FBLN1: variants seen among roughly 807,000 people sequenced by gnomAD.
The protein encoded by FBLN1 is fibulin-1.
A neutral mutation model predicts 89.7 loss-of-function variants in FBLN1; 34 were observed. That is an observed-to-expected ratio of 0.38 (90% CI 0.29 to 0.50). The LOEUF is 0.50. Ranked by LOEUF, FBLN1 falls within the 20% of genes least tolerant of loss-of-function variation. The pLI is 0.92. For synonymous variants in FBLN1, 393 were observed against 391.3 expected, an observed-to-expected ratio of 1.00 and a Z score of -0.05; for missense variants, 777 against 988.1, an observed-to-expected ratio of 0.79 and a Z score of 2.86.
intron 16 of FBLN1, among the ~76,000 whole-genome samples, chr22:45,592,109 C>T (rs1342643566): frequency 3.3e-5 from 5 of 152,158 alleles, no homozygotes; most frequent in Non-Finnish European, 5.9e-5. Flanking sequence ...CCTGTTAGCT[C>T]CGTGATCTGG....
rs1201723692 is a variant in FBLN1 at position 45,583,362 on chromosome 22, G to A, written c.1972+6254G>A. 1.3e-5 allele frequency among the ~76,000 whole-genome samples: 2 copies of A among 152,120 alleles called. No individual in the cohort carries two copies. Among genetic ancestry groups the A allele is most frequent in the Non-Finnish European group, 2.9e-5 (2 of 68,022 alleles). ...AGCGATGAAGTCCACATGATCGAAG[G>A]GTGGATGCTTACCTTAGACAGCTGC... On this transcript the variant is annotated intron_variant, in intron 16 of 16. Coordinates refer to ENST00000327858, the MANE Select transcript of FBLN1 (RefSeq NM_006486.3). The surrounding 1 kb of genome is among the most constrained non-coding windows in gnomAD (Gnocchi z 4.5).
intron 10 of FBLN1, among the ~76,000 whole-genome samples, chr22:45,542,941 G>A (rs958192411): frequency 6.6e-6 from 1 of 152,232 alleles, no homozygotes; most frequent in Non-Finnish European, 1.5e-5. Context: ...CCGCATGCTC[G>A]GGACAAGTCA....
Position 45,527,893 on chromosome 22 carries a change from G to A in FBLN1, c.368G>A (p.Gly123Asp), listed in dbSNP as rs879617334. The A allele has an allele frequency of 1.2e-6, 2 of 1,614,166 alleles. No individual in the cohort carries two copies. The highest frequency in any genetic ancestry group is 1.7e-5 in the Admixed American group (1 of 60,028). The change falls in exon 4 of 17, where the codon GGC (glycine) becomes GAC (aspartate). Residue 123 changes from glycine (G) to aspartate (D), a missense_variant. Gly to Asp is a moderately conservative substitution (Grantham distance 94, BLOSUM62 -1). Transcript: ENST00000327858. ...CLLGRAAQAQ[G>D]QSCEYSLMVG... ...CTGGGGAGGGCGGCCCAGGCCCAGG[G>A]CCAGAGCTGCGAGTACAGCCTCATG...
rs1212661558 is a variant in FBLN1 at position 45,597,940 on chromosome 22, T to A, written c.1973-2367T>A. Among the ~76,000 whole-genome samples, 1 of 152,132 alleles carries A rather than the reference T, an allele frequency of 6.6e-6. No homozygotes were observed. The highest frequency in any genetic ancestry group is 1.5e-5 in the Non-Finnish European group (1 of 68,014). On this transcript the variant is annotated intron_variant, in intron 16 of 16. Transcript: ENST00000327858. The surrounding 1 kb of genome is among the most constrained non-coding windows in gnomAD (Gnocchi z 4.2). ...TCTCTTTCTGAGCGTGAACTTGATG[T>A]TCCTGACCAGGAACCAGCCACTCGT... is the stretch of plus-strand genomic sequence containing the variant.
rs1463822622 is a variant in FBLN1 at position 45,590,988 on chromosome 22, TC to T, written c.1973-9318del. ...TAGGTGGGTGGAGGCTGAGGTCGGC[TC>T]AGGAGACACACGGAGGGAGGGGACA... On this transcript the variant is annotated intron_variant, in intron 16 of 16. Coordinates refer to ENST00000327858, the MANE Select transcript of FBLN1 (RefSeq NM_006486.3). The surrounding 1 kb of genome is among the most constrained non-coding windows in gnomAD (Gnocchi z 4.1). 1.3e-5 allele frequency among the ~76,000 whole-genome samples: 2 copies of T among 152,060 alleles called. No homozygotes were observed. Among genetic ancestry groups the T allele is most frequent in the African/African-American group, 4.8e-5 (2 of 41,406 alleles).
chr22:45,572,130 A>G lies in FBLN1; in HGVS notation c.1698-2381A>G, dbSNP rs892347962. On this transcript the variant is annotated intron_variant, in intron 14 of 16. Coordinates refer to ENST00000327858, the MANE Select transcript of FBLN1 (RefSeq NM_006486.3). This position sits in a 1 kb window ranked among gnomAD's most constrained non-coding sequence, Gnocchi z 5.8. ...GGTGACAGAGCGAGACTCATCTCAA[A>G]AAATATATAAAAATAAAAATAAATG... Among the ~76,000 whole-genome samples, 28 of 152,218 alleles carry G rather than the reference A, an allele frequency of 1.8e-4. No individual in the cohort carries two copies. Among genetic ancestry groups the G allele is most frequent in the African/African-American group, 6.3e-4 (26 of 41,450 alleles).
intron 16 of FBLN1, among the ~76,000 whole-genome samples, chr22:45,587,780 C>A (rs1179734455): frequency 2.6e-5 from 4 of 152,240 alleles, no homozygotes; most frequent in African/African-American, 7.2e-5. Context: ...GTAGCCGTGA[C>A]ATTCACTTCC....
rs1207283575 is a variant in FBLN1 at position 45,563,152 on chromosome 22, G to T, written c.1698-11359G>T. ...ACAGTGGGGTGGTGGCCCTCACCAA[G>T]CCTGTCCCCGAGCCCAGGGACTTGC... On this transcript the variant is annotated intron_variant, in intron 14 of 16. Coordinates refer to ENST00000327858, the MANE Select transcript of FBLN1 (RefSeq NM_006486.3). This position sits in a 1 kb window ranked among gnomAD's most constrained non-coding sequence, Gnocchi z 5.7. 1 of 1,613,610 alleles carries T rather than the reference G, an allele frequency of 6.2e-7. No homozygotes were observed.
rs907039610 is a variant in FBLN1 at position 45,533,304 on chromosome 22, C to T, written c.646+140C>T. 7.0e-5 allele frequency: 56 copies of T among 795,816 alleles called. No homozygotes were observed. In the African/African-American group the frequency reaches 7.8e-4, roughly 11 times the overall value. 49.3% of individuals were successfully genotyped at this position (795,816 alleles called of 1,614,324 possible). A position where few individuals can be genotyped will look rare whatever the true frequency, so the allele number is the denominator to read the frequency against. On this transcript the variant is annotated intron_variant, in intron 6 of 16. Transcript: ENST00000327858. Reference sequence around the variant, plus strand: ...GAGAGCAGCCCAGGACGCGCTTTCTCGTGTTCGCTGGAGTTTGCAGCGCAG... The same window carrying T: ...GAGAGCAGCCCAGGACGCGCTTTCTTGTGTTCGCTGGAGTTTGCAGCGCAG...
chr22:45,508,777 G>A (rs1407905579), intron 1 of FBLN1, among the ~76,000 whole-genome samples: 2 of 152,128 alleles, frequency 1.3e-5, no homozygotes, highest in African/African-American at 2.4e-5. Context: ...GATCATTTGT[G>A]CGTTCATTCA....
At chr22:45,514,779 A>T (rs1052953473) in intron 1 of FBLN1, among the ~76,000 whole-genome samples, 4 of 152,168 alleles carry the variant, frequency 2.6e-5, no homozygotes, top group African/African-American at 9.7e-5. Flanking sequence ...GAGGAGGAAG[A>T]CACCATCCCT....
At chr22:45,538,080 C>G (rs1386540630) in intron 8 of FBLN1, among the ~76,000 whole-genome samples, 1 of 152,262 alleles carries the variant, frequency 6.6e-6, no homozygotes, top group East Asian at 1.9e-4. Flanking sequence ...CGTCCCCTTA[C>G]TGTCCTTCCA....
At chr22:45,595,621 A>G (rs1470816039) in intron 16 of FBLN1, among the ~76,000 whole-genome samples, 5 of 152,282 alleles carry the variant, frequency 3.3e-5, no homozygotes, top group South Asian at 4.1e-4. Context: ...CTCTGGTGCA[A>G]TGTATTTAGG....
chr22:45,571,859 G>A (rs956689452), intron 14 of FBLN1, among the ~76,000 whole-genome samples: 17 of 152,200 alleles, frequency 1.1e-4, no homozygotes, highest in African/African-American at 3.9e-4. Flanking sequence ...GGCCAGGCGC[G>A]GTGGCTCACA....
Position 45,581,620 on chromosome 22 carries a change from G to T in FBLN1, c.1972+4512G>T, listed in dbSNP as rs1053205340. On this transcript the variant is annotated intron_variant, in intron 16 of 16. Coordinates refer to ENST00000327858, the MANE Select transcript of FBLN1 (RefSeq NM_006486.3). The surrounding 1 kb of genome is among the most constrained non-coding windows in gnomAD (Gnocchi z 7.6). ...GGACCTCCTGACCCTTGGGCCTCCC[G>T]GGTTGCAGGGAGCTACGGAGTTGTC... is the stretch of plus-strand genomic sequence containing the variant. Among the ~76,000 whole-genome samples, 1 of 152,124 alleles carries T rather than the reference G, an allele frequency of 6.6e-6. No homozygotes were observed. Among genetic ancestry groups the T allele is most frequent in the Non-Finnish European group, 1.5e-5 (1 of 68,024 alleles).
intron 16 of FBLN1, among the ~76,000 whole-genome samples, chr22:45,582,347 G>A (rs143017893): frequency 2.0e-5 from 3 of 152,310 alleles, no homozygotes; most frequent in African/African-American, 7.2e-5. Context: ...ATGGGATCTT[G>A]GGTCCTGGGC....
Position 45,577,497 on chromosome 22 carries a change from G to T in FBLN1, c.1972+389G>T, listed in dbSNP as rs2089007868. 6.6e-6 allele frequency among the ~76,000 whole-genome samples: 1 copy of T among 152,132 alleles called. No homozygotes were observed. The highest frequency in any genetic ancestry group is 6.5e-5 in the Admixed American group (1 of 15,274). ...GCGGTCGGTGGGAGCTAAGGGGATT[G>T]TTATTCTTGGGGTGCAATGGGAGGG... is the stretch of plus-strand genomic sequence containing the variant. On this transcript the variant is annotated intron_variant, in intron 16 of 16. Transcript: ENST00000327858. The surrounding 1 kb of genome is among the most constrained non-coding windows in gnomAD (Gnocchi z 6.6).
In FBLN1 at chr22:45,535,197, C is replaced by A. The variant is rs113285528; in HGVS notation, c.785-3C>A. ...ACAATTTCCTTTTTTTATGATGTAC[C>A]AGATATTGACGAGTGTGAGAGTGGT... On this transcript the variant is annotated splice_region_variant and splice_polypyrimidine_tract_variant and intron_variant, in intron 7 of 16. Transcript: ENST00000327858. 6.2e-7 allele frequency: 1 copy of A among 1,613,896 alleles called. No homozygotes were observed. Among genetic ancestry groups the A allele is most frequent in the Non-Finnish European group, 8.5e-7 (1 of 1,179,980 alleles).
At position 45,581,997 on chromosome 22, in the gene FBLN1, C is replaced by G. The variant is rs1463720196; in HGVS notation, c.1972+4889C>G. Among the ~76,000 whole-genome samples the G allele has an allele frequency of 2.0e-5, 3 of 152,182 alleles. No individual in the cohort carries two copies. The highest frequency in any genetic ancestry group is 1.3e-4 in the Admixed American group (2 of 15,288). ...GAGGTCTGTGCTGCCCATGGAGCTT[C>G]CAGATCCCGCTGCTTTATTTAACCC... On this transcript the variant is annotated intron_variant, in intron 16 of 16. Coordinates refer to ENST00000327858, the MANE Select transcript of FBLN1 (RefSeq NM_006486.3). The surrounding 1 kb of genome is among the most constrained non-coding windows in gnomAD (Gnocchi z 7.6).
Sources: allele counts gnomAD v4.1 joint callset (sites outside exome capture counted in the v4.1 genomes callset), GRCh38; gene constraint gnomAD v4.1.1; non-coding constraint Gnocchi (gnomAD v3.1); transcripts MANE v1.5; gene names NCBI Gene and HGNC (gene_info 2026-07-23, HGNC 2026-07-21).